SLC44A5: variants seen among roughly 807,000 people sequenced by gnomAD.
The protein encoded by SLC44A5 is solute carrier family 44 member 5.
Under a neutral mutation model 101.8 loss-of-function variants are expected in SLC44A5, and 57 were observed. That is an observed-to-expected ratio of 0.56 (90% CI 0.45 to 0.70). SLC44A5 has a LOEUF of 0.70. Among genes scored for constraint, SLC44A5 ranks in the 30% least tolerant of loss-of-function variants. SLC44A5 has a pLI of 0.00. For synonymous variants in SLC44A5, 281 were observed against 290.9 expected (o/e 0.97, Z 0.35); for missense variants, 737 against 853.1 (o/e 0.86, Z 1.70).
At chr1:75,352,587 A>T (rs1232903091) in intron 3 of SLC44A5, among the ~76,000 whole-genome samples, 1 of 152,124 alleles carries the variant, frequency 6.6e-6, no homozygotes, top group African/African-American at 2.4e-5. Context: ...ACCACAGAGA[A>T]ATTATTATAT....
At chr1:75,635,546 T>G in the SLC44A5 span, among the ~76,000 whole-genome samples, 4 of 151,074 alleles carry the variant, frequency 2.6e-5, no homozygotes, top group Non-Finnish European at 5.9e-5. Context: ...CTCAGTAAAC[T>G]ATTGCAAGGA....
chr1:75,225,979 TG>T (rs772360772), intron 13 of SLC44A5, among the ~76,000 whole-genome samples: 13 of 152,158 alleles, frequency 8.5e-5, no homozygotes, highest in Admixed American at 6.6e-5. Context: ...CAATACATAA[TG>T]GGTGACATTT....
At chr1:75,368,952 A>G (rs1660043644) in intron 3 of SLC44A5, among the ~76,000 whole-genome samples, 1 of 151,744 alleles carries the variant, frequency 6.6e-6, no homozygotes. Flanking sequence ...CATCTCTCTT[A>G]TTTTTCTGGT....
chr1:75,275,584 T>C (rs1651854222), intron 5 of SLC44A5, among the ~76,000 whole-genome samples: 1 of 152,116 alleles, frequency 6.6e-6, no homozygotes, highest in African/African-American at 2.4e-5. Flanking sequence ...TAATAAAGAC[T>C]TACCCTAAGT....
At chr1:75,571,375 A>G (rs7511726) in intron 1 of SLC44A5, among the ~76,000 whole-genome samples, 42,893 of 152,006 alleles carry the variant, frequency 0.28, 6,855 homozygotes, top group African/African-American at 0.42. Flanking sequence ...ACTAATAAAT[A>G]TTGAGAAAGT....
Position 75,443,855 on chromosome 1 carries a change from C to T in SLC44A5, c.14-47234G>A, listed in dbSNP as rs150338585. On this transcript the variant is annotated intron_variant, in intron 2 of 23. Transcript: ENST00000370859. ...AGAAAATCTAACAATATAAGAAAAACGTGGTAAGAAATGAAAAGACCATTT... is the reference window on the plus strand; with the variant it reads ...AGAAAATCTAACAATATAAGAAAAATGTGGTAAGAAATGAAAAGACCATTT... Among the ~76,000 whole-genome samples, 674 of 151,188 alleles carry T rather than the reference C, an allele frequency of 4.5e-3. 6 individuals are homozygous for T. The highest frequency in any genetic ancestry group is 0.016 in the African/African-American group (653 of 41,196).
At chr1:75,562,878 C>T (rs984496748) in intron 1 of SLC44A5, among the ~76,000 whole-genome samples, 15 of 151,068 alleles carry the variant, frequency 9.9e-5, no homozygotes, top group Admixed American at 8.6e-4. Context: ...CATAGTAATC[C>T]TCAATATGTG....
intron 11 of SLC44A5, among the ~76,000 whole-genome samples, chr1:75,236,186 A>C (rs1430196222): frequency 6.6e-6 from 1 of 152,038 alleles, no homozygotes; most frequent in Non-Finnish European, 1.5e-5. Context: ...AGTGTTAACC[A>C]AGAAACTTGG....
intron 2 of SLC44A5, among the ~76,000 whole-genome samples, chr1:75,504,008 AT>A (rs887015398): frequency 5.9e-5 from 9 of 151,864 alleles, no homozygotes; most frequent in Middle Eastern, 3.4e-3. Flanking sequence ...CAGTGAGGGG[AT>A]TTTTTTTACT....
At chr1:75,270,028 C>T (rs564404289) in intron 6 of SLC44A5, among the ~76,000 whole-genome samples, 3 of 152,226 alleles carry the variant, frequency 2.0e-5, no homozygotes, top group Admixed American at 6.5e-5. Context: ...TGTCTGCCAC[C>T]GTGTAAGACG....
chr1:75,256,098 C>T (rs1198830209), intron 6 of SLC44A5, among the ~76,000 whole-genome samples: 9 of 152,008 alleles, frequency 5.9e-5, no homozygotes, highest in Non-Finnish European at 1.3e-4. Context: ...CATACTTACG[C>T]TAAAAATTAT....
At chr1:75,394,020 T>C (rs1044581755) in intron 3 of SLC44A5, among the ~76,000 whole-genome samples, 3 of 152,128 alleles carry the variant, frequency 2.0e-5, no homozygotes, top group Admixed American at 6.6e-5. Context: ...ATTCATGGTA[T>C]TTAAAACTAT....
chr1:75,285,314 T>C (rs1302262048), intron 5 of SLC44A5, among the ~76,000 whole-genome samples: 3 of 152,118 alleles, frequency 2.0e-5, no homozygotes, highest in Non-Finnish European at 4.4e-5. Context: ...AATAATCTTT[T>C]GTATTTCTGT....
the SLC44A5 span, among the ~76,000 whole-genome samples, chr1:75,722,387 G>A: frequency 1.3e-5 from 2 of 152,194 alleles, no homozygotes; most frequent in Non-Finnish European, 2.9e-5. Context: ...AATGAGGTTC[G>A]TGATCAACTC....
At chr1:75,216,299 A>G (rs1254746706) in intron 18 of SLC44A5, among the ~76,000 whole-genome samples, 6 of 152,022 alleles carry the variant, frequency 3.9e-5, no homozygotes, top group African/African-American at 1.2e-4. Context: ...TTAAGGTTGA[A>G]TAATATTTGA....
chr1:75,435,978 G>A (rs935065597), intron 2 of SLC44A5, among the ~76,000 whole-genome samples: 2 of 151,838 alleles, frequency 1.3e-5, no homozygotes, highest in Admixed American at 6.6e-5. Context: ...AGTTATAATC[G>A]CAAATAAGAG....
At chr1:75,303,010 C>T (rs771806464) in intron 4 of SLC44A5, among the ~76,000 whole-genome samples, 1 of 152,050 alleles carries the variant, frequency 6.6e-6, no homozygotes, top group Non-Finnish European at 1.5e-5. Context: ...CACAGATGAC[C>T]TCGGATAACT....
intron 5 of SLC44A5, among the ~76,000 whole-genome samples, chr1:75,281,267 C>G (rs1378170855): frequency 1.3e-5 from 2 of 152,074 alleles, no homozygotes; most frequent in Non-Finnish European, 2.9e-5. Flanking sequence ...GTGACTCTTG[C>G]TATGCTTTAG....
At position 75,217,851 on chromosome 1, in the gene SLC44A5, C is replaced by A; in HGVS notation, c.1624+15G>T. The A allele has an allele frequency of 6.7e-7, 1 of 1,497,708 alleles. No homozygotes were observed. The highest frequency in any genetic ancestry group is 9.3e-7 in the Non-Finnish European group (1 of 1,074,708). 92.8% of individuals were successfully genotyped at this position (1,497,708 alleles called of 1,614,324 possible). On this transcript the variant is annotated intron_variant, in intron 18 of 23. Transcript: ENST00000370859. ...TTTATTATCTTCACAAAAGTCAGGACATCTGAAATCTTACGTTTAAGACGG... is the reference window on the plus strand; with the variant it reads ...TTTATTATCTTCACAAAAGTCAGGAAATCTGAAATCTTACGTTTAAGACGG...
Sources: allele counts gnomAD v4.1 joint callset (sites outside exome capture counted in the v4.1 genomes callset), GRCh38; gene constraint gnomAD v4.1.1; transcripts MANE v1.5; gene names NCBI Gene and HGNC (gene_info 2026-07-23, HGNC 2026-07-21).